FHL5: variants seen among roughly 807,000 people sequenced by gnomAD.
FHL5 encodes four and a half LIM domains 5, also known as four and a half LIM domains protein 5.
In FHL5, 33 loss-of-function variants were observed where a neutral mutation model predicts 32.0. That is an observed-to-expected ratio of 1.03 (90% CI 0.78 to 1.38). The LOEUF (loss-of-function observed/expected upper bound fraction) is 1.38. Among genes scored for constraint, FHL5 ranks in the 40% most tolerant of loss-of-function variants. The probability of loss-of-function intolerance (pLI) is 0.00; values close to 1 mark genes in which losing one functional copy is unlikely to be tolerated. For synonymous variants in FHL5, 114 were observed against 113.6 expected (o/e 1.00, Z -0.02); for missense variants, 336 against 343.9 (o/e 0.98, Z 0.18).
At chr6:96,594,271 A>ATATATATATT (rs1554176523) in intron 1 of FHL5, among the ~76,000 whole-genome samples, 1 of 72,924 alleles carries the variant, frequency 1.4e-5, no homozygotes, top group African/African-American at 4.6e-5. Flanking sequence ...ATATATATAT[A>ATATATATATT]TATGTATGTA....
At chr6:96,613,752 C>G (rs928420106) in intron 5 of FHL5, among the ~76,000 whole-genome samples, 1 of 152,224 alleles carries the variant, frequency 6.6e-6, no homozygotes. Flanking sequence ...AATCTTAGAT[C>G]TGCTGCTTAC....
At chr6:96,593,183 C>A (rs1770958422) in intron 1 of FHL5, among the ~76,000 whole-genome samples, 1 of 151,850 alleles carries the variant, frequency 6.6e-6, no homozygotes, top group South Asian at 2.1e-4. Context: ...ACATTTCATT[C>A]TTTTTCATTG....
intron 1 of FHL5, among the ~76,000 whole-genome samples, chr6:96,587,783 T>C (rs1205715044): frequency 6.6e-6 from 1 of 152,220 alleles, no homozygotes; most frequent in Non-Finnish European, 1.5e-5. Context: ...TCATAATTCC[T>C]AATAATAAAC....
At chr6:96,588,455 A>G (rs1582467008) in intron 1 of FHL5, among the ~76,000 whole-genome samples, 1 of 151,854 alleles carries the variant, frequency 6.6e-6, no homozygotes, top group Non-Finnish European at 1.5e-5. Flanking sequence ...ACCTGCCTCA[A>G]CCTCCCAAGT....
chr6:96,617,386 T>TA lies in FHL5; in HGVS notation c.*1615dup, dbSNP rs1402290696. On this transcript the variant is annotated 3_prime_UTR_variant, in exon 6 of 6. Coordinates refer to ENST00000450218, the MANE Select transcript of FHL5 (RefSeq NM_001322466.2). ...TCACAGGAGATTCAATTAAAATTGT[T>TA]ATGGAAATAATTTTTGAAATAGTTT... is the stretch of plus-strand genomic sequence containing the variant. Among the ~76,000 whole-genome samples, 1 of 152,230 alleles carries TA rather than the reference T, an allele frequency of 6.6e-6. No individual in the cohort carries two copies. The highest frequency in any genetic ancestry group is 1.9e-4 in the East Asian group (1 of 5,198).
chr6:96,574,893 A>G (rs1269721698), intron 1 of FHL5, among the ~76,000 whole-genome samples: 2 of 152,218 alleles, frequency 1.3e-5, no homozygotes, highest in Non-Finnish European at 2.9e-5. Context: ...AAATAAATTT[A>G]TGTTATTATC....
chr6:96,582,258 G>A (rs1298292277), intron 1 of FHL5, among the ~76,000 whole-genome samples: 1 of 152,034 alleles, frequency 6.6e-6, no homozygotes, highest in African/African-American at 2.4e-5. Flanking sequence ...AAAGCAGAAG[G>A]TTGGGCTCTG....
chr6:96,566,609 A>G (rs1199097979), intron 1 of FHL5, among the ~76,000 whole-genome samples: 1 of 151,930 alleles, frequency 6.6e-6, no homozygotes, highest in Non-Finnish European at 1.5e-5. Context: ...ATATATGCAT[A>G]TATTCCAAAT....
At chr6:96,569,263 C>T (rs796934337) in intron 1 of FHL5, among the ~76,000 whole-genome samples, 50 of 152,014 alleles carry the variant, frequency 3.3e-4, no homozygotes, top group African/African-American at 9.2e-4. Flanking sequence ...TAAAGTTCCT[C>T]GTTATTTTGA....
intron 1 of FHL5, among the ~76,000 whole-genome samples, chr6:96,596,335 T>G (rs1393173820): frequency 6.6e-6 from 1 of 152,110 alleles, no homozygotes; most frequent in African/African-American, 2.4e-5. Flanking sequence ...TAGGCGTGTG[T>G]TTTTGAACAT....
At chr6:96,582,027 T>C (rs1159638483) in intron 1 of FHL5, among the ~76,000 whole-genome samples, 2 of 152,204 alleles carry the variant, frequency 1.3e-5, no homozygotes, top group Non-Finnish European at 1.5e-5. Flanking sequence ...TTTTTAGTCT[T>C]GTCCTTACCT....
At chr6:96,585,008 T>C (rs1770770664) in intron 1 of FHL5, among the ~76,000 whole-genome samples, 1 of 152,156 alleles carries the variant, frequency 6.6e-6, no homozygotes, top group South Asian at 2.1e-4. Context: ...TAGAGCAGTA[T>C]ACCTTGCTCA....
chr6:96,582,745 G>A (rs1770720221), intron 1 of FHL5, among the ~76,000 whole-genome samples: 1 of 152,082 alleles, frequency 6.6e-6, no homozygotes, highest in Non-Finnish European at 1.5e-5. Flanking sequence ...ATTCTATGAT[G>A]CTTGTTTTAG....
At chr6:96,579,698 G>A (rs138193999) in intron 1 of FHL5, among the ~76,000 whole-genome samples, 148 of 152,316 alleles carry the variant, frequency 9.7e-4, no homozygotes, top group African/African-American at 3.4e-3. Flanking sequence ...AAAAAGTCAT[G>A]AAAATTGTCA....
chr6:96,606,449 T>C (rs1404290256), intron 4 of FHL5, among the ~76,000 whole-genome samples: 1 of 152,146 alleles, frequency 6.6e-6, no homozygotes, highest in Non-Finnish European at 1.5e-5. Flanking sequence ...CCTTCCAGGT[T>C]CAAGAGATTC....
intron 1 of FHL5, among the ~76,000 whole-genome samples, chr6:96,570,403 CTCTG>C (rs1435622625): frequency 6.6e-6 from 1 of 152,046 alleles, no homozygotes; most frequent in Non-Finnish European, 1.5e-5. Context: ...TTTTAGAACT[CTCTG>C]TCTTTGACTT....
chr6:96,609,614 T>C (rs1270121824), intron 4 of FHL5, among the ~76,000 whole-genome samples: 1 of 152,232 alleles, frequency 6.6e-6, no homozygotes, highest in Admixed American at 6.5e-5. Context: ...CCAGGGCTTA[T>C]TCCATTGAGT....
At chr6:96,565,872 G>C (rs1191128614) in intron 1 of FHL5, among the ~76,000 whole-genome samples, 1 of 151,580 alleles carries the variant, frequency 6.6e-6, no homozygotes, top group Non-Finnish European at 1.5e-5. Context: ...GCTTTTATTA[G>C]TATTACTATA....
intron 4 of FHL5, among the ~76,000 whole-genome samples, chr6:96,606,414 C>T (rs920675556): frequency 6.6e-6 from 1 of 152,082 alleles, no homozygotes; most frequent in East Asian, 1.9e-4. Flanking sequence ...TGCAGTGGTA[C>T]AATCTCGGCT....
Sources: gnomAD v4.1 joint callset for allele counts (sites outside exome capture counted in the v4.1 genomes callset) on GRCh38, gnomAD v4.1.1 for gene constraint, MANE v1.5 for transcripts, NCBI Gene and HGNC (gene_info 2026-07-23, HGNC 2026-07-21) for gene names.